Variants in ANKS1B observed in about 807,000 individuals in gnomAD.
ANKS1B encodes ankyrin repeat and sterile alpha motif domain-containing protein 1B.
ANKS1B carries 36 observed loss-of-function variants against 148.3 expected under a neutral mutation model. The observed-to-expected ratio is 0.24, with a 90% CI of 0.19 to 0.32. The LOEUF (loss-of-function observed/expected upper bound fraction) is 0.32. ANKS1B is among the 10% of genes least tolerant of loss of function. The pLI, the probability that ANKS1B is intolerant of heterozygous loss-of-function variation, is 1.00. For missense variants in ANKS1B, 1,157 were observed against 1,542.6 expected (o/e 0.75, Z 4.19); for synonymous variants, 542 against 560.8 (o/e 0.97, Z 0.47).
intron 12 of ANKS1B, among the ~76,000 whole-genome samples, chr12:99,252,989 C>T (rs2074810467): frequency 6.6e-6 from 1 of 152,002 alleles, no homozygotes; most frequent in Admixed American, 6.6e-5. Flanking sequence ...TTTGGGAGGC[C>T]AAGGCGAGAG....
chr12:99,156,065 G>A (rs868130156), intron 14 of ANKS1B, among the ~76,000 whole-genome samples: 2 of 152,022 alleles, frequency 1.3e-5, no homozygotes, highest in African/African-American at 2.4e-5. Context: ...ATGAAACATC[G>A]CTTTTCTTTT....
intron 1 of ANKS1B, among the ~76,000 whole-genome samples, chr12:99,970,648 C>G (rs981205842): frequency 1.3e-5 from 2 of 152,064 alleles, no homozygotes; most frequent in Admixed American, 1.3e-4. Flanking sequence ...CCATATCAAA[C>G]TACTTATAAT....
intron 9 of ANKS1B, among the ~76,000 whole-genome samples, chr12:99,554,980 TAGG>T (rs1354156998): frequency 6.6e-6 from 1 of 152,112 alleles, no homozygotes; most frequent in East Asian, 1.9e-4. Context: ...TTAGTTTGCT[TAGG>T]AGAATGGCCT....
At chr12:99,393,111 T>TAGAC in intron 12 of ANKS1B, among the ~76,000 whole-genome samples, 1 of 152,034 alleles carries the variant, frequency 6.6e-6, no homozygotes, top group East Asian at 1.9e-4. Flanking sequence ...GATAGATAGA[T>TAGAC]AGATAGATAG....
rs201954323 is a variant in ANKS1B at position 99,773,299 on chromosome 12, C to CT, written c.962-212dup. On this transcript the variant is annotated intron_variant, in intron 7 of 26. Transcript: ENST00000683438. ...GATTATAATTTTGCCTATTTTTATT[C>CT]TTTTTCAAAATAGAAATAATTATTG... is the stretch of plus-strand genomic sequence containing the variant. 8.7e-4 allele frequency among the ~76,000 whole-genome samples: 133 copies of CT among 152,116 alleles called. 3 individuals are homozygous for CT. The East Asian group carries it at 0.025, about 29-fold the overall frequency.
At chr12:99,756,483 C>A (rs1297567761) in intron 8 of ANKS1B, among the ~76,000 whole-genome samples, 2 of 151,950 alleles carry the variant, frequency 1.3e-5, no homozygotes, top group East Asian at 3.9e-4. Flanking sequence ...GAATCAATAT[C>A]GTGAAAATGG....
chr12:99,805,262 G>GAAAA (rs1567880890), intron 4 of ANKS1B, among the ~76,000 whole-genome samples: 2 of 8,308 alleles, frequency 2.4e-4, no homozygotes, highest in African/African-American at 1.2e-3. Context: ...GGAGGAAAAG[G>GAAAA]CAAAAAAAAA....
At chr12:99,083,308 G>A (rs1285333598) in intron 16 of ANKS1B, among the ~76,000 whole-genome samples, 1 of 152,140 alleles carries the variant, frequency 6.6e-6, no homozygotes, top group Non-Finnish European at 1.5e-5. Flanking sequence ...CAAATATCCA[G>A]GTGTATCTAT....
chr12:99,673,443 A>G (rs2098547705), intron 8 of ANKS1B, among the ~76,000 whole-genome samples: 1 of 152,050 alleles, frequency 6.6e-6, no homozygotes, highest in South Asian at 2.1e-4. Context: ...AAAATCCTGA[A>G]GTCCACCATA....
intron 14 of ANKS1B, among the ~76,000 whole-genome samples, chr12:99,199,370 T>G (rs2153895853): frequency 6.6e-6 from 1 of 152,294 alleles, no homozygotes; most frequent in East Asian, 1.9e-4. Flanking sequence ...TTAGCCGTGG[T>G]TTTTTAAAAA....
At chr12:99,262,661 T>C (rs1326382868) in intron 12 of ANKS1B, among the ~76,000 whole-genome samples, 1 of 152,062 alleles carries the variant, frequency 6.6e-6, no homozygotes, top group African/African-American at 2.4e-5. Context: ...AAGATCACTC[T>C]GTTTATGTAA....
intron 8 of ANKS1B, among the ~76,000 whole-genome samples, chr12:99,695,656 A>G (rs925523618): frequency 1.3e-5 from 2 of 152,114 alleles, no homozygotes; most frequent in Non-Finnish European, 1.5e-5. Context: ...GCATGTTCTC[A>G]CTTACAAATA....
chr12:99,414,554 C>T (rs9943715), intron 11 of ANKS1B, among the ~76,000 whole-genome samples: 40,357 of 151,950 alleles, frequency 0.27, 5,543 homozygotes, highest in East Asian at 0.43. Context: ...AGCTGGAAAC[C>T]ATCATTCTCA....
At chr12:98,960,022 G>A (rs1173717067) in intron 17 of ANKS1B, among the ~76,000 whole-genome samples, 1 of 152,182 alleles carries the variant, frequency 6.6e-6, no homozygotes, top group Non-Finnish European at 1.5e-5. Flanking sequence ...GCTCCTGGAT[G>A]GCACCTCTGG....
intron 16 of ANKS1B, among the ~76,000 whole-genome samples, chr12:99,082,357 C>G (rs545209780): frequency 3.3e-5 from 5 of 151,988 alleles, no homozygotes; most frequent in Non-Finnish European, 5.9e-5. Context: ...ATGTCACATT[C>G]GAATAGAGAT....
intron 10 of ANKS1B, among the ~76,000 whole-genome samples, chr12:99,447,553 A>C (rs2095655536): frequency 1.3e-5 from 2 of 152,084 alleles, no homozygotes. Context: ...TTGGGCAATG[A>C]TTTTTTGGCT....
At chr12:99,903,406 A>G (rs572785004) in intron 1 of ANKS1B, among the ~76,000 whole-genome samples, 2 of 152,178 alleles carry the variant, frequency 1.3e-5, no homozygotes, top group Non-Finnish European at 2.9e-5. Context: ...GGACCCTGTA[A>G]GAGTCCAGGG....
intron 1 of ANKS1B, among the ~76,000 whole-genome samples, chr12:99,943,918 T>C (rs1209206829): frequency 1.3e-5 from 2 of 152,086 alleles, no homozygotes; most frequent in Non-Finnish European, 2.9e-5. Flanking sequence ...ACCCATCATC[T>C]ACATTAGGTA....
intron 12 of ANKS1B, among the ~76,000 whole-genome samples, chr12:99,291,244 CA>C (rs1384214651): frequency 2.6e-5 from 4 of 151,680 alleles, no homozygotes; most frequent in South Asian, 2.1e-4. Context: ...AGAGGACACA[CA>C]AAAAAATGGA....
Sources: gnomAD v4.1 joint callset for allele counts (sites outside exome capture counted in the v4.1 genomes callset) on GRCh38, gnomAD v4.1.1 for gene constraint, MANE v1.5 for transcripts, NCBI Gene and HGNC (gene_info 2026-07-23, HGNC 2026-07-21) for gene names.